ATP9B: variants seen among roughly 807,000 people sequenced by gnomAD.
ATP9B encodes ATPase phospholipid transporting 9B, also known as probable phospholipid-transporting ATPase IIB.
ATP9B carries 110 observed loss-of-function variants against 146.1 expected under a neutral mutation model. The observed-to-expected ratio is 0.75, with a 90% CI of 0.65 to 0.88. The LOEUF is 0.88. ATP9B is among the 40% of genes least tolerant of loss of function. The probability of loss-of-function intolerance (pLI) is 0.00; values close to 1 mark genes in which losing one functional copy is unlikely to be tolerated. For missense variants in ATP9B, 1,499 were observed against 1,496.4 expected (o/e 1.00, Z -0.03); for synonymous variants, 604 against 569.7 (o/e 1.06, Z -0.86).
chr18:79,114,455 G>A (rs1253397618), intron 4 of ATP9B, among the ~76,000 whole-genome samples: 4 of 152,142 alleles, frequency 2.6e-5, no homozygotes, highest in East Asian at 1.9e-4. Context: ...GGTAGGCTCC[G>A]TCTCCCTAAC....
intron 4 of ATP9B, among the ~76,000 whole-genome samples, chr18:79,116,940 TAA>T (rs377608135): frequency 0.057 from 6,084 of 106,556 alleles, 126 homozygotes; most frequent in African/African-American, 0.072. Context: ...AAAAAAAAAT[TAA>T]AAAAAAAAAA....
chr18:79,148,707 C>T (rs537155809), intron 6 of ATP9B, among the ~76,000 whole-genome samples: 1 of 152,126 alleles, frequency 6.6e-6, no homozygotes, highest in Non-Finnish European at 1.5e-5. Context: ...CACTTCTAGT[C>T]TGTAAGGCAA....
chr18:79,322,587 G>A (rs1409205802), intron 15 of ATP9B, among the ~76,000 whole-genome samples: 3 of 152,180 alleles, frequency 2.0e-5, no homozygotes, highest in Non-Finnish European at 4.4e-5. Flanking sequence ...TTCTAACAAA[G>A]CATGAAAATT....
rs560497735 is a variant in ATP9B, at chr18:79,224,341, G to C, written c.1107+10303G>C. ...CAGATCATGCCCCGTGATTTCTGAC[G>C]AGGCGATCTGGAATGTCTCGTGAGA... On this transcript the variant is annotated intron_variant, in intron 11 of 29. Transcript: ENST00000426216. Among the ~76,000 whole-genome samples, 45 of 152,282 alleles carry C rather than the reference G, an allele frequency of 3.0e-4. 1 individual carries two copies. The South Asian group carries it at 7.9e-3, about 27-fold the overall frequency.
intron 26 of ATP9B, chr18:79,362,655 C>G (rs139231497): frequency 3.9e-5 from 6 of 152,356 alleles, no homozygotes; most frequent in African/African-American, 1.4e-4. Context: ...CTTAGGGAAG[C>G]TAGTTACTCC....
At chr18:79,191,946 CT>C (rs2095370760) in intron 8 of ATP9B, among the ~76,000 whole-genome samples, 1 of 152,102 alleles carries the variant, frequency 6.6e-6, no homozygotes, top group South Asian at 2.1e-4. Flanking sequence ...CTGAAGAGTA[CT>C]GGTTTTTTGT....
At chr18:79,150,006 G>A (rs894160477) in intron 6 of ATP9B, among the ~76,000 whole-genome samples, 13 of 152,030 alleles carry the variant, frequency 8.6e-5, no homozygotes, top group Non-Finnish European at 1.5e-5. Context: ...GCTAGAACCC[G>A]GGAGGCAGAG....
intron 4 of ATP9B, 107 bp downstream of exon 4, chr18:79,113,461 G>A: frequency 2.8e-6 from 2 of 708,582 alleles, no homozygotes; most frequent in Non-Finnish European, 4.6e-6. Context: ...AAAACATGGT[G>A]TTGTAGTGTT....
At chr18:79,272,587 C>T (rs1039292515) in intron 12 of ATP9B, among the ~76,000 whole-genome samples, 17 of 150,988 alleles carry the variant, frequency 1.1e-4, no homozygotes, top group African/African-American at 4.1e-4. Context: ...TGAGCTCTCT[C>T]CACTGAATCC....
intron 13 of ATP9B, among the ~76,000 whole-genome samples, chr18:79,301,025 G>A (rs559225793): frequency 1.3e-5 from 2 of 152,324 alleles, no homozygotes; most frequent in Non-Finnish European, 2.9e-5. Flanking sequence ...TAAGTAGAAT[G>A]TTTTTAACTT....
intron 11 of ATP9B, among the ~76,000 whole-genome samples, chr18:79,245,548 T>TGCGCG (rs2095936730): frequency 6.6e-6 from 1 of 151,474 alleles, no homozygotes; most frequent in African/African-American, 2.4e-5. Context: ...CCCTACTGAC[T>TGCGCG]GAGGAGGGCA....
At chr18:79,258,738 G>C (rs73973056) in intron 12 of ATP9B, among the ~76,000 whole-genome samples, 3,469 of 152,258 alleles carry the variant, frequency 0.023, 120 homozygotes, top group African/African-American at 0.071. Context: ...AGAACTGTCA[G>C]TTCCCCTCTG....
chr18:79,095,111 A>G (rs968524257), intron 1 of ATP9B, among the ~76,000 whole-genome samples: 1 of 152,200 alleles, frequency 6.6e-6, no homozygotes, highest in African/African-American at 2.4e-5. Context: ...AGAATGTGCT[A>G]TAATTGCCTG....
intron 4 of ATP9B, among the ~76,000 whole-genome samples, chr18:79,114,550 A>C (rs1366146248): frequency 6.6e-6 from 1 of 152,140 alleles, no homozygotes; most frequent in Non-Finnish European, 1.5e-5. Flanking sequence ...TTTCCTGTTT[A>C]CCTGTTAGTA....
At chr18:79,318,433 C>T (rs1246539620) in intron 15 of ATP9B, among the ~76,000 whole-genome samples, 3 of 152,236 alleles carry the variant, frequency 2.0e-5, no homozygotes, top group Non-Finnish European at 4.4e-5. Context: ...ACAAATAAAA[C>T]TGAGCGATAC....
At chr18:79,131,146 G>A (rs533932718) in intron 5 of ATP9B, among the ~76,000 whole-genome samples, 37 of 152,016 alleles carry the variant, frequency 2.4e-4, no homozygotes, top group Non-Finnish European at 4.3e-4. Flanking sequence ...GGGCGAAAGA[G>A]CAAGACTCCG....
intron 13 of ATP9B, among the ~76,000 whole-genome samples, chr18:79,282,165 G>A (rs779705006): frequency 3.5e-4 from 54 of 152,212 alleles, no homozygotes; most frequent in Non-Finnish European, 1.2e-4. Flanking sequence ...TTACGGATGA[G>A]CAAAGAAAGT....
At chr18:79,268,434 C>G (rs764312111) in intron 12 of ATP9B, among the ~76,000 whole-genome samples, 17 of 151,956 alleles carry the variant, frequency 1.1e-4, no homozygotes, top group Non-Finnish European at 2.4e-4. Context: ...TTTCTCCTTT[C>G]TTGCCATTTT....
At chr18:79,262,180 T>C (rs1468559428) in intron 12 of ATP9B, among the ~76,000 whole-genome samples, 1 of 150,022 alleles carries the variant, frequency 6.7e-6, no homozygotes, top group Non-Finnish European at 1.5e-5. Context: ...TCTGAAACTT[T>C]AATTCCTCCT....
Sources: allele counts gnomAD v4.1 joint callset (sites outside exome capture counted in the v4.1 genomes callset), GRCh38; gene constraint gnomAD v4.1.1; transcripts MANE v1.5; gene names NCBI Gene and HGNC (gene_info 2026-07-23, HGNC 2026-07-21).